FRMD6: variants seen among roughly 807,000 people sequenced by gnomAD.
FRMD6 encodes FERM domain containing 6, also known as FERM domain-containing protein 6.
Under a neutral mutation model 73.2 loss-of-function variants are expected in FRMD6, and 37 were observed. The ratio of observed to expected loss-of-function variants is 0.51; its 90% confidence interval spans 0.39 to 0.66. FRMD6 has a LOEUF of 0.66. Ranked by LOEUF, FRMD6 falls within the 30% of genes least tolerant of loss-of-function variation. The pLI, the probability that FRMD6 is intolerant of heterozygous loss-of-function variation, is 0.00. For synonymous variants in FRMD6, 273 were observed against 282.2 expected (o/e 0.97, Z 0.33); for missense variants, 714 against 780.5 (o/e 0.91, Z 1.02).
the FRMD6 span, among the ~76,000 whole-genome samples, chr14:51,424,613 A>G: frequency 6.6e-6 from 1 of 152,210 alleles, no homozygotes; most frequent in African/African-American, 2.4e-5. Flanking sequence ...GGCTTTTGGT[A>G]CATCCCCCTC....
the FRMD6 span, among the ~76,000 whole-genome samples, chr14:51,419,337 A>G: frequency 2.0e-5 from 3 of 152,102 alleles, no homozygotes; most frequent in Non-Finnish European, 4.4e-5. Flanking sequence ...TTTAATAGAG[A>G]TGGGGTTTCA....
At chr14:51,677,138 C>G (rs1894446341) in intron 1 of FRMD6, among the ~76,000 whole-genome samples, 1 of 151,870 alleles carries the variant, frequency 6.6e-6, no homozygotes, top group Admixed American at 6.6e-5. Flanking sequence ...GTCAGTGGGC[C>G]TTTGCGTTTC....
chr14:51,498,591 G>T (rs778968095), intron 1 of FRMD6, among the ~76,000 whole-genome samples: 1 of 152,218 alleles, frequency 6.6e-6, no homozygotes, highest in Non-Finnish European at 1.5e-5. Flanking sequence ...CCTGGGCTTA[G>T]CTGGGACAGC....
intron 1 of FRMD6, among the ~76,000 whole-genome samples, chr14:51,489,918 T>C (rs1249813640): frequency 6.6e-6 from 1 of 152,202 alleles, no homozygotes; most frequent in Non-Finnish European, 1.5e-5. Context: ...AAAAAGGAAG[T>C]TATTAAGAGT....
chr14:51,622,597 C>G (rs1890965460), intron 2 of FRMD6, among the ~76,000 whole-genome samples: 1 of 152,152 alleles, frequency 6.6e-6, no homozygotes. Flanking sequence ...TGCCCTAGAG[C>G]TTCACTCGGA....
upstream of FRMD6, chr14:51,651,810 A>C (rs1309412288): frequency 2.8e-5 from 1 of 36,308 alleles, no homozygotes; most frequent in Admixed American, 3.8e-4. Context: ...GCGGGGTCTC[A>C]GGGGGCGGGG....
Position 51,720,397 on chromosome 14 carries a change from G to A in FRMD6, c.1360+7G>A. ...GAGGACTTACAGGACGATGGTAACA[G>A]TACTGTCCCCTCACTGGCTCTCTGT... On this transcript the variant is annotated splice_region_variant and intron_variant, in intron 11 of 13. Transcript: ENST00000344768. 2 of 1,611,850 alleles carry A rather than the reference G, an allele frequency of 1.2e-6. No homozygotes were observed. The highest frequency in any genetic ancestry group is 1.1e-5 in the South Asian group (1 of 91,026).
At chr14:51,574,228 G>A (rs1214390449) in intron 2 of FRMD6, among the ~76,000 whole-genome samples, 1 of 152,040 alleles carries the variant, frequency 6.6e-6, no homozygotes, top group Non-Finnish European at 1.5e-5. Flanking sequence ...GGTGCAATAG[G>A]CTCTCCCTCT....
chr14:51,708,703 A>G (rs900370758), intron 7 of FRMD6, among the ~76,000 whole-genome samples: 1 of 152,024 alleles, frequency 6.6e-6, no homozygotes, highest in Non-Finnish European at 1.5e-5. Flanking sequence ...CACACTTTAT[A>G]TGTGTTTTTT....
intron 5 of FRMD6, among the ~76,000 whole-genome samples, chr14:51,703,384 T>C (rs1896441005): frequency 6.6e-6 from 1 of 152,082 alleles, no homozygotes; most frequent in Non-Finnish European, 1.5e-5. Flanking sequence ...AAAATACATA[T>C]GGCTAGTGAG....
intron 1 of FRMD6, among the ~76,000 whole-genome samples, chr14:51,546,396 C>CTT (rs11413471): frequency 0.01 from 1,331 of 129,378 alleles, 22 homozygotes; most frequent in Middle Eastern, 0.041. Context: ...AAGAGAAACT[C>CTT]TTTTTTTTTT....
At chr14:51,621,346 C>T (rs1033366502) in intron 2 of FRMD6, among the ~76,000 whole-genome samples, 2 of 152,140 alleles carry the variant, frequency 1.3e-5, no homozygotes, top group Non-Finnish European at 2.9e-5. Flanking sequence ...TGGAGCTTTT[C>T]GGCTTAGCTT....
Position 51,528,008 on chromosome 14 carries a change from G to T in FRMD6, c.-210+38588G>T, listed in dbSNP as rs1048885260. On this transcript the variant is annotated intron_variant, in intron 1 of 14. Transcript: ENST00000356218. ...ACTAGAAAAATTAGCTGAGCATGGT[G>T]CCTCATGCCTGTGGTCCCAGCTACT... Among the ~76,000 whole-genome samples, 6 of 152,254 alleles carry T rather than the reference G, an allele frequency of 3.9e-5. No individual in the cohort carries two copies. In the South Asian group the frequency reaches 6.2e-4, roughly 16 times the overall value.
chr14:51,576,376 G>A (rs1888404696), intron 2 of FRMD6, among the ~76,000 whole-genome samples: 1 of 152,188 alleles, frequency 6.6e-6, no homozygotes, highest in Non-Finnish European at 1.5e-5. Flanking sequence ...TGACAACATA[G>A]AGAAAGAAGA....
chr14:51,683,942 G>A (rs1446052582), intron 1 of FRMD6, among the ~76,000 whole-genome samples: 3 of 152,140 alleles, frequency 2.0e-5, no homozygotes, highest in Non-Finnish European at 4.4e-5. Flanking sequence ...GCAATGGTTG[G>A]AAGGTAGGAA....
intron 1 of FRMD6, among the ~76,000 whole-genome samples, chr14:51,520,947 A>T (rs1261588841): frequency 6.6e-6 from 1 of 152,206 alleles, no homozygotes; most frequent in Middle Eastern, 3.2e-3. Context: ...TGAGTGAACT[A>T]TTCATCTATG....
chr14:51,568,901 A>G (rs570766544), intron 1 of FRMD6, among the ~76,000 whole-genome samples: 1 of 147,476 alleles, frequency 6.8e-6, no homozygotes, highest in African/African-American at 2.5e-5. Flanking sequence ...ACTGTAGTGC[A>G]ATGGCGCAGT....
chr14:51,499,852 A>G (rs1404571745), intron 1 of FRMD6, among the ~76,000 whole-genome samples: 2 of 151,258 alleles, frequency 1.3e-5, no homozygotes, highest in Non-Finnish European at 2.9e-5. Context: ...TTTTTTTCTT[A>G]ATTTGTCTCA....
chr14:51,692,080 T>C (rs759022842), intron 2 of FRMD6, among the ~76,000 whole-genome samples: 2 of 152,196 alleles, frequency 1.3e-5, no homozygotes, highest in Non-Finnish European at 2.9e-5. Context: ...TGTATCCTCA[T>C]TTTTGCTTCT....
Sources: allele counts gnomAD v4.1 joint callset (sites outside exome capture counted in the v4.1 genomes callset), GRCh38; gene constraint gnomAD v4.1.1; transcripts MANE v1.5; gene names NCBI Gene and HGNC (gene_info 2026-07-23, HGNC 2026-07-21).